EDIL3: variants seen among roughly 807,000 people sequenced by gnomAD.
EDIL3 encodes EGF-like repeat and discoidin I-like domain-containing protein 3.
In EDIL3, 37 loss-of-function variants were observed where a neutral mutation model predicts 67.4. The observed-to-expected ratio is 0.55, with a 90% CI of 0.42 to 0.72. The LOEUF is 0.72. EDIL3 is among the 30% of genes least tolerant of loss of function. The pLI is 0.00. For synonymous variants in EDIL3, 195 were observed against 196.3 expected, an observed-to-expected ratio of 0.99 and a Z score of 0.05; for missense variants, 527 against 586.3, an observed-to-expected ratio of 0.90 and a Z score of 1.04.
At chr5:84,161,575 T>C (rs1748614171) in intron 4 of EDIL3, among the ~76,000 whole-genome samples, 1 of 152,136 alleles carries the variant, frequency 6.6e-6, no homozygotes, top group Non-Finnish European at 1.5e-5. Flanking sequence ...TGCCATTGTT[T>C]TTCTGATTAT....
chr5:84,209,676 G>A (rs543945148), intron 3 of EDIL3, among the ~76,000 whole-genome samples: 1 of 152,138 alleles, frequency 6.6e-6, no homozygotes, highest in East Asian at 1.9e-4. Context: ...GACAGATGGT[G>A]AACAGTAAGG....
intron 10 of EDIL3, among the ~76,000 whole-genome samples, chr5:83,953,481 A>G (rs1183068230): frequency 6.6e-6 from 1 of 151,824 alleles, no homozygotes; most frequent in South Asian, 2.1e-4. Context: ...AAAAAGAAGA[A>G]AAGAAATAAA....
intron 9 of EDIL3, among the ~76,000 whole-genome samples, chr5:83,989,711 T>C (rs567555189): frequency 9.2e-5 from 14 of 152,348 alleles, no homozygotes; most frequent in African/African-American, 3.4e-4. Flanking sequence ...TACTTGTATA[T>C]TCGCCTTTCC....
intron 3 of EDIL3, among the ~76,000 whole-genome samples, chr5:84,186,280 G>A (rs1428337964): frequency 6.6e-6 from 1 of 151,984 alleles, no homozygotes; most frequent in African/African-American, 2.4e-5. Context: ...TGCTTATACT[G>A]GGAGGATAAG....
chr5:84,304,950 T>C (rs1449548920), intron 1 of EDIL3, among the ~76,000 whole-genome samples: 1 of 152,202 alleles, frequency 6.6e-6, no homozygotes, highest in African/African-American at 2.4e-5. Flanking sequence ...TTCATCAATA[T>C]AATCCCAGAG....
chr5:84,384,510 C>A lies in EDIL3; in HGVS notation c.-136G>T. ...AAGAAGACGTTCTCTTTCCTCAGCG[C>A]TTTGTTAAACAAATTCTTGGAGAGG... On this transcript the variant is annotated 5_prime_UTR_variant, in exon 1 of 11. Transcript: ENST00000296591. 2 of 787,548 alleles carry A rather than the reference C, an allele frequency of 2.5e-6. No individual in the cohort carries two copies. The allele number at this position is 787,548 out of a possible 1,614,324, so 48.8% of individuals were successfully genotyped here.
At chr5:83,987,869 G>GTGTA (rs1418733698) in intron 9 of EDIL3, among the ~76,000 whole-genome samples, 5 of 138,422 alleles carry the variant, frequency 3.6e-5, no homozygotes, top group South Asian at 2.2e-4. Flanking sequence ...GTGTGTGTAT[G>GTGTA]TATATATATA....
At position 83,985,087 on chromosome 5, in the gene EDIL3, C is replaced by A. The variant is rs1245046268; in HGVS notation, c.1138-21727G>T. ...GATTCCTTCTTTTTCCCATTCCAGC[C>A]TAAATAAAAGGAAAAATGTAGGAGA... On this transcript the variant is annotated intron_variant, in intron 9 of 10. Coordinates refer to ENST00000296591, the MANE Select transcript of EDIL3 (RefSeq NM_005711.5). Among the ~76,000 whole-genome samples, 6 of 151,790 alleles carry A rather than the reference C, an allele frequency of 4.0e-5. No individual in the cohort carries two copies. The South Asian group carries it at 6.2e-4, about 16-fold the overall frequency.
chr5:84,300,933 T>TACACACAC (rs5869219), intron 1 of EDIL3, among the ~76,000 whole-genome samples: 2,638 of 149,544 alleles, frequency 0.018, 46 homozygotes, highest in African/African-American at 0.039. Flanking sequence ...CACAGACACA[T>TACACACAC]ACACACACAC....
intron 6 of EDIL3, among the ~76,000 whole-genome samples, chr5:84,099,768 G>T (rs978037777): frequency 2.0e-5 from 3 of 151,986 alleles, no homozygotes; most frequent in Admixed American, 6.6e-5. Context: ...CACAGCAAAA[G>T]AAACTATTAT....
intron 1 of EDIL3, among the ~76,000 whole-genome samples, chr5:84,316,630 A>G (rs1746518606): frequency 6.6e-6 from 1 of 151,816 alleles, no homozygotes. Context: ...GAGACCTACA[A>G]AGAGACTTAG....
intron 3 of EDIL3, among the ~76,000 whole-genome samples, chr5:84,226,314 G>GA (rs950340617): frequency 6.6e-6 from 1 of 151,428 alleles, no homozygotes; most frequent in African/African-American, 2.4e-5. Context: ...AGTGAAAACA[G>GA]AATATTAATG....
chr5:84,076,069 A>G (rs1323751730), intron 6 of EDIL3, among the ~76,000 whole-genome samples: 6 of 151,432 alleles, frequency 4.0e-5, no homozygotes, highest in Admixed American at 3.9e-4. Flanking sequence ...CATTAACACT[A>G]CATTTTTATG....
At chr5:84,018,247 T>C (rs937261135) in intron 9 of EDIL3, among the ~76,000 whole-genome samples, 2 of 152,192 alleles carry the variant, frequency 1.3e-5, no homozygotes, top group African/African-American at 4.8e-5. Context: ...GGTGTGATTC[T>C]CTTACATCTG....
intron 6 of EDIL3, among the ~76,000 whole-genome samples, chr5:84,101,915 C>G (rs66578660): frequency 0.066 from 10,107 of 152,022 alleles, 451 homozygotes; most frequent in Middle Eastern, 0.13. Context: ...ATTCAAAAAT[C>G]CTCAACAAAA....
chr5:83,972,806 T>C (rs1744815769), intron 9 of EDIL3, among the ~76,000 whole-genome samples: 1 of 152,130 alleles, frequency 6.6e-6, no homozygotes, highest in Non-Finnish European at 1.5e-5. Flanking sequence ...AAATATAATG[T>C]TCTTGTATTA....
At chr5:84,371,680 G>A (rs907880727) in intron 1 of EDIL3, among the ~76,000 whole-genome samples, 1 of 151,122 alleles carries the variant, frequency 6.6e-6, no homozygotes, top group Admixed American at 6.6e-5. Context: ...ATATCTGAGG[G>A]GAAAGCATAT....
chr5:84,273,421 A>T (rs1299485064), intron 1 of EDIL3, among the ~76,000 whole-genome samples: 3 of 152,270 alleles, frequency 2.0e-5, no homozygotes, highest in East Asian at 1.9e-4. Flanking sequence ...GCTTTCCCAC[A>T]TACTTAAGTC....
At chr5:84,142,231 T>C (rs1006404127) in intron 4 of EDIL3, among the ~76,000 whole-genome samples, 2 of 151,962 alleles carry the variant, frequency 1.3e-5, no homozygotes, top group African/African-American at 2.4e-5. Flanking sequence ...ATGCATTGTC[T>C]GGGCATGACT....
Sources: allele counts gnomAD v4.1 joint callset (sites outside exome capture counted in the v4.1 genomes callset), GRCh38; gene constraint gnomAD v4.1.1; transcripts MANE v1.5; gene names NCBI Gene and HGNC (gene_info 2026-07-23, HGNC 2026-07-21).